Variants in NALF1 observed in about 807,000 individuals in gnomAD.
NALF1 encodes the protein NALCN channel auxiliary factor 1.
Under a neutral mutation model 48.4 loss-of-function variants are expected in NALF1, and 3 were observed. The ratio of observed to expected loss-of-function variants is 0.06; its 90% CI spans 0.03 to 0.16. The LOEUF (loss-of-function observed/expected upper bound fraction) is 0.16, where lower values mean the gene tolerates loss of function less well. Among genes scored for constraint, NALF1 ranks in the 10% least tolerant of loss-of-function variants. The pLI is 1.00. For missense variants in NALF1, 526 were observed against 571.5 expected, an observed-to-expected ratio of 0.92 and a Z score of 0.81; for synonymous variants, 262 against 245.7, an observed-to-expected ratio of 1.07 and a Z score of -0.62.
intron 1 of NALF1, among the ~76,000 whole-genome samples, chr13:107,447,903 CTT>C (rs1375316280): frequency 6.6e-6 from 1 of 152,128 alleles, no homozygotes; most frequent in Non-Finnish European, 1.5e-5. Context: ...TGGTCTATAT[CTT>C]TGGAGGTAGT....
chr13:107,850,457 C>T (rs1286283539), intron 1 of NALF1, among the ~76,000 whole-genome samples: 1 of 152,158 alleles, frequency 6.6e-6, no homozygotes, highest in Non-Finnish European at 1.5e-5. Flanking sequence ...AAGTAATAGA[C>T]TTTACATGCA....
At position 107,657,691 on chromosome 13, in the gene NALF1, A is replaced by G. The variant is rs558495170; in HGVS notation, c.915+207991T>C. Among the ~76,000 whole-genome samples, 15 of 152,264 alleles carry G rather than the reference A, an allele frequency of 9.9e-5. No homozygotes were observed. In the East Asian group the frequency reaches 2.7e-3, roughly 27 times the overall value. ...AGGAGACATGTGCTCTTACACAAAAACCTGTTGCCCACTCCTAATTCCATC... is the reference window on the plus strand; with the variant it reads ...AGGAGACATGTGCTCTTACACAAAAGCCTGTTGCCCACTCCTAATTCCATC... On this transcript the variant is annotated intron_variant, in intron 1 of 2. Transcript: ENST00000375915.
chr13:107,490,094 G>A (rs1885391603), intron 1 of NALF1, among the ~76,000 whole-genome samples: 1 of 152,182 alleles, frequency 6.6e-6, no homozygotes, highest in South Asian at 2.1e-4. Context: ...TGGCAAGGTT[G>A]TGGAGAAAAA....
intron 2 of NALF1, among the ~76,000 whole-genome samples, chr13:107,203,193 C>T (rs1297614659): frequency 1.3e-5 from 2 of 152,208 alleles, no homozygotes; most frequent in East Asian, 3.9e-4. Context: ...GGAAATCTCA[C>T]TTGGCCATAT....
At chr13:107,428,543 G>A (rs1884320888) in intron 1 of NALF1, among the ~76,000 whole-genome samples, 1 of 152,182 alleles carries the variant, frequency 6.6e-6, no homozygotes, top group African/African-American at 2.4e-5. Flanking sequence ...TCTGAGGACA[G>A]GGCCTCCCAG....
intron 1 of NALF1, among the ~76,000 whole-genome samples, chr13:107,733,549 T>G (rs942387858): frequency 1.3e-5 from 2 of 152,104 alleles, no homozygotes; most frequent in African/African-American, 4.8e-5. Context: ...ATTATACAAA[T>G]AGTCAAAGAG....
intron 1 of NALF1, among the ~76,000 whole-genome samples, chr13:107,776,175 T>G (rs952324900): frequency 3.3e-5 from 5 of 152,168 alleles, no homozygotes; most frequent in African/African-American, 1.2e-4. Flanking sequence ...TTAGACACAT[T>G]GATTTGGCAG....
intron 1 of NALF1, among the ~76,000 whole-genome samples, chr13:107,680,745 A>ACG (rs1881275729): frequency 2.9e-5 from 1 of 34,440 alleles, no homozygotes. Flanking sequence ...GTGAATGTGC[A>ACG]TGAGTGTAAG....
At chr13:107,592,381 A>G (rs1878623991) in intron 1 of NALF1, among the ~76,000 whole-genome samples, 2 of 151,896 alleles carry the variant, frequency 1.3e-5, no homozygotes, top group Admixed American at 1.3e-4. Flanking sequence ...AAGAGGAAGA[A>G]TTCATTTAAA....
At chr13:107,309,718 A>C (rs1017271676) in intron 1 of NALF1, among the ~76,000 whole-genome samples, 1 of 152,194 alleles carries the variant, frequency 6.6e-6, no homozygotes, top group African/African-American at 2.4e-5. Context: ...GTCTCAATTA[A>C]CATTTTGCTC....
intron 1 of NALF1, among the ~76,000 whole-genome samples, chr13:107,503,897 A>G (rs1260952954): frequency 6.6e-6 from 1 of 151,284 alleles, no homozygotes; most frequent in African/African-American, 2.4e-5. Flanking sequence ...TAGAAAGAAA[A>G]ATATTGCATC....
chr13:107,749,039 T>C (rs1004980629), intron 1 of NALF1, among the ~76,000 whole-genome samples: 1 of 152,080 alleles, frequency 6.6e-6, no homozygotes, highest in Non-Finnish European at 1.5e-5. Context: ...TTATGATCCA[T>C]AGAATGCTAT....
intron 1 of NALF1, among the ~76,000 whole-genome samples, chr13:107,560,732 T>C (rs1443924615): frequency 6.6e-6 from 1 of 152,174 alleles, no homozygotes; most frequent in Non-Finnish European, 1.5e-5. Context: ...ACTGGTCTAC[T>C]GGTGTTCTGC....
intron 1 of NALF1, among the ~76,000 whole-genome samples, chr13:107,546,758 A>G (rs1877146905): frequency 6.6e-6 from 1 of 152,192 alleles, no homozygotes; most frequent in Non-Finnish European, 1.5e-5. Context: ...AATAATACAA[A>G]TATTGTGATA....
chr13:107,271,026 T>C (rs1881154301), intron 1 of NALF1, among the ~76,000 whole-genome samples: 1 of 152,192 alleles, frequency 6.6e-6, no homozygotes, highest in Admixed American at 6.5e-5. Flanking sequence ...TTAAGTAGTA[T>C]ATTCTTAGGT....
At chr13:107,173,584 T>C (rs923574599) in intron 2 of NALF1, among the ~76,000 whole-genome samples, 1 of 152,236 alleles carries the variant, frequency 6.6e-6, no homozygotes, top group Non-Finnish European at 1.5e-5. Context: ...GTTGCCGTCA[T>C]GCCTGATGAG....
intron 1 of NALF1, among the ~76,000 whole-genome samples, chr13:107,696,902 G>C (rs768448298): frequency 6.6e-6 from 1 of 151,802 alleles, no homozygotes; most frequent in Non-Finnish European, 1.5e-5. Context: ...ATTCTTACAC[G>C]TATCATTCCT....
chr13:107,601,984 T>C (rs1878943727), intron 1 of NALF1, among the ~76,000 whole-genome samples: 1 of 152,186 alleles, frequency 6.6e-6, no homozygotes, highest in African/African-American at 2.4e-5. Flanking sequence ...CATTGTTTCC[T>C]TGAACATTTT....
chr13:107,777,507 T>C (rs934836730), intron 1 of NALF1, among the ~76,000 whole-genome samples: 2 of 152,140 alleles, frequency 1.3e-5, no homozygotes, highest in Admixed American at 6.5e-5. Context: ...TGATAGTGAG[T>C]GAGTTCTCGC....
Sources: gnomAD v4.1 joint callset for allele counts (sites outside exome capture counted in the v4.1 genomes callset) on GRCh38, gnomAD v4.1.1 for gene constraint, MANE v1.5 for transcripts, NCBI Gene and HGNC (gene_info 2026-07-23, HGNC 2026-07-21) for gene names.